The following GALNTL6 variants were observed in gnomAD, a reference collection of about 807,000 sequenced individuals.
The protein encoded by GALNTL6 is polypeptide N-acetylgalactosaminyltransferase like 6.
In GALNTL6, 46 loss-of-function variants were observed where a neutral mutation model predicts 73.7. The observed-to-expected ratio is 0.62, with a 90% confidence interval of 0.49 to 0.80. The LOEUF (loss-of-function observed/expected upper bound fraction) is 0.80, where lower values mean the gene tolerates loss of function less well. Among genes scored for constraint, GALNTL6 ranks in the 30% least tolerant of loss-of-function variants. The pLI is 0.00. For synonymous variants in GALNTL6, 259 were observed against 263.7 expected (o/e 0.98, Z 0.17); for missense variants, 604 against 755.0 (o/e 0.80, Z 2.34).
intron 2 of GALNTL6, among the ~76,000 whole-genome samples, chr4:171,956,112 C>T (rs1382963228): frequency 7.1e-6 from 1 of 140,824 alleles, no homozygotes; most frequent in Non-Finnish European, 1.5e-5. Context: ...AAGTGATCCT[C>T]CCGCCACAGT....
intron 3 of GALNTL6, among the ~76,000 whole-genome samples, chr4:172,261,284 C>T (rs1475205152): frequency 6.6e-6 from 1 of 151,306 alleles, no homozygotes; most frequent in Non-Finnish European, 1.5e-5. Context: ...AACCTCACTA[C>T]TTGTTATAGG....
intron 2 of GALNTL6, among the ~76,000 whole-genome samples, chr4:171,957,801 A>G (rs17057743): frequency 0.036 from 5,539 of 152,242 alleles, 250 homozygotes; most frequent in African/African-American, 0.11. Flanking sequence ...GTCTTTGGGA[A>G]GAAAGTAAGT....
At chr4:172,194,896 C>T (rs1560963867) in intron 2 of GALNTL6, among the ~76,000 whole-genome samples, 1 of 152,016 alleles carries the variant, frequency 6.6e-6, no homozygotes, top group African/African-American at 2.4e-5. Context: ...AATAAGTCTG[C>T]AAAATAGCCA....
chr4:172,941,388 C>T (rs1328269985), intron 9 of GALNTL6, among the ~76,000 whole-genome samples: 1 of 152,194 alleles, frequency 6.6e-6, no homozygotes, highest in African/African-American at 2.4e-5. Context: ...TTCACTTTGT[C>T]ATTCTTAATG....
At chr4:171,818,754 A>G (rs1196457391) in intron 2 of GALNTL6, among the ~76,000 whole-genome samples, 1 of 151,926 alleles carries the variant, frequency 6.6e-6, no homozygotes, top group Non-Finnish European at 1.5e-5. Context: ...GGGGTAATGC[A>G]TTGTTTCTGT....
chr4:172,191,031 C>G (rs1209840997), intron 2 of GALNTL6, among the ~76,000 whole-genome samples: 1 of 152,172 alleles, frequency 6.6e-6, no homozygotes, highest in East Asian at 1.9e-4. Context: ...CTTCATCTCT[C>G]CCTCCCACCC....
In GALNTL6 at chr4:172,753,924, T is replaced by A. The variant is rs568600918; in HGVS notation, c.554-55437T>A. Reference sequence around the variant, plus strand: ...CCCACGAGCAGCTCTGCAGTGCTAATGAGAAGGGAGACAGAGATAGGTATA... The same window carrying A: ...CCCACGAGCAGCTCTGCAGTGCTAAAGAGAAGGGAGACAGAGATAGGTATA... On this transcript the variant is annotated intron_variant, in intron 5 of 12. Coordinates refer to ENST00000506823, the MANE Select transcript of GALNTL6 (RefSeq NM_001034845.3). Among the ~76,000 whole-genome samples the A allele has an allele frequency of 2.0e-5, 3 of 152,188 alleles. No homozygotes were observed. In the East Asian group the frequency reaches 5.8e-4, roughly 29 times the overall value.
intron 11 of GALNTL6, among the ~76,000 whole-genome samples, chr4:173,019,220 A>G (rs1359120311): frequency 6.6e-6 from 1 of 152,224 alleles, no homozygotes; most frequent in East Asian, 1.9e-4. Flanking sequence ...AGAGAAGAAA[A>G]TCAATTGCAT....
At chr4:172,311,443 T>C (rs1321157560) in intron 3 of GALNTL6, among the ~76,000 whole-genome samples, 171 bp from the exon 4 acceptor site, 2 of 152,200 alleles carry the variant, frequency 1.3e-5, no homozygotes, top group African/African-American at 4.8e-5. Flanking sequence ...TTATATTGAG[T>C]ATATTTCATT....
chr4:172,671,282 G>A (rs746614046), intron 5 of GALNTL6, among the ~76,000 whole-genome samples: 34 of 152,122 alleles, frequency 2.2e-4, no homozygotes, highest in Non-Finnish European at 3.7e-4. Context: ...CTATCCATGA[G>A]CATGGAATGT....
chr4:172,729,588 T>C (rs1462208660), intron 5 of GALNTL6, among the ~76,000 whole-genome samples: 1 of 152,164 alleles, frequency 6.6e-6, no homozygotes, highest in African/African-American at 2.4e-5. Context: ...GTTCCATTGG[T>C]CCCTGTGTCT....
chr4:172,351,196 T>TATCTATCTATC (rs1741930317), intron 5 of GALNTL6, among the ~76,000 whole-genome samples: 1 of 150,370 alleles, frequency 6.7e-6, no homozygotes, highest in African/African-American at 2.5e-5. Flanking sequence ...TCTATCTATC[T>TATCTATCTATC]ATCTATCTAT....
chr4:172,168,114 G>T (rs950600413), intron 2 of GALNTL6, among the ~76,000 whole-genome samples: 4 of 152,134 alleles, frequency 2.6e-5, no homozygotes, highest in Non-Finnish European at 5.9e-5. Context: ...GGTCTGGAAA[G>T]TGTCTGCCAT....
At chr4:172,770,265 C>CAATAAATA (rs146415769) in intron 5 of GALNTL6, among the ~76,000 whole-genome samples, 54,542 of 140,926 alleles carry the variant, frequency 0.39, 11,758 homozygotes, top group East Asian at 0.53. Flanking sequence ...GACTCCATCT[C>CAATAAATA]AATAAATAAA....
At chr4:172,337,969 C>T (rs1475953547) in intron 4 of GALNTL6, among the ~76,000 whole-genome samples, 1 of 151,266 alleles carries the variant, frequency 6.6e-6, no homozygotes, top group Non-Finnish European at 1.5e-5. Flanking sequence ...AATTCATTTT[C>T]TAATTTAAAA....
intron 5 of GALNTL6, among the ~76,000 whole-genome samples, chr4:172,539,917 A>G (rs1042867572): frequency 1.4e-5 from 2 of 144,376 alleles, no homozygotes; most frequent in African/African-American, 5.0e-5. Context: ...AAAAAATCTC[A>G]TTTAATTTTC....
At chr4:172,264,187 G>T (rs1245492263) in intron 3 of GALNTL6, among the ~76,000 whole-genome samples, 1 of 151,380 alleles carries the variant, frequency 6.6e-6, no homozygotes, top group Non-Finnish European at 1.5e-5. Flanking sequence ...CCAAGAATAA[G>T]ACCAACAAAT....
At chr4:172,876,349 T>C (rs1292814492) in intron 7 of GALNTL6, among the ~76,000 whole-genome samples, 1 of 152,234 alleles carries the variant, frequency 6.6e-6, no homozygotes, top group Non-Finnish European at 1.5e-5. Context: ...GTCATAATTC[T>C]GCCACCTGCT....
chr4:172,674,689 A>G (rs1732183716), intron 5 of GALNTL6, among the ~76,000 whole-genome samples: 1 of 151,906 alleles, frequency 6.6e-6, no homozygotes, highest in South Asian at 2.1e-4. Flanking sequence ...TCTCTGTTCT[A>G]GTCTGACTGA....
Sources: allele counts gnomAD v4.1 joint callset (sites outside exome capture counted in the v4.1 genomes callset), GRCh38; gene constraint gnomAD v4.1.1; transcripts MANE v1.5; gene names NCBI Gene and HGNC (gene_info 2026-07-23, HGNC 2026-07-21).